Variants in WDR18 observed in about 807,000 individuals in gnomAD.
The protein encoded by WDR18 is WD repeat-containing protein 18.
Under a neutral mutation model 49.6 loss-of-function variants are expected in WDR18, and 33 were observed. The observed-to-expected ratio is 0.67, with a 90% CI of 0.50 to 0.89. WDR18 has a LOEUF of 0.89. Among genes scored for constraint, WDR18 ranks in the 40% least tolerant of loss-of-function variants. WDR18 has a pLI of 0.00. For missense variants in WDR18, 653 were observed against 593.6 expected, an observed-to-expected ratio of 1.10 and a Z score of -1.04; for synonymous variants, 315 against 263.6, an observed-to-expected ratio of 1.19 and a Z score of -1.89.
In WDR18 at chr19:985,914, CTGCA is replaced by C. The variant is rs2038469668; in HGVS notation, c.262_265del (p.Ala88HisfsTer29). On this transcript the variant is annotated frameshift_variant, in exon 2 of 10. Transcript: ENST00000585809. LOFTEE classifies it high-confidence loss of function. ...TGCCCCGGGCCTGTCACCTGTCTGA[CTGCA>C]TCACCCAATGGTCTCTACGTCCTGG... is the stretch of plus-strand genomic sequence containing the variant. 1 of 1,613,864 alleles carries C rather than the reference CTGCA, an allele frequency of 6.2e-7. No individual in the cohort carries two copies. Among genetic ancestry groups the C allele is most frequent in the Non-Finnish European group, 8.5e-7 (1 of 1,180,006 alleles).
chr19:987,920 A>G (rs11670535), intron 2 of WDR18, among the ~76,000 whole-genome samples: 68,040 of 145,850 alleles, frequency 0.47, 16,385 homozygotes, highest in Non-Finnish European at 0.54. Context: ...CTGCAACCTC[A>G]GGCTCCCAGG....
chr19:987,538 C>A (rs2038487338), intron 2 of WDR18, among the ~76,000 whole-genome samples: 1 of 152,146 alleles, frequency 6.6e-6, no homozygotes, highest in East Asian at 1.9e-4. Context: ...GCATGTGCCA[C>A]CATGCCTGGG....
chr19:990,657 C>T (rs118137024), intron 4 of WDR18, 195 bp from the exon 5 acceptor site: 19,288 of 895,474 alleles, frequency 0.022, 274 homozygotes, highest in Non-Finnish European at 0.027. Flanking sequence ...GGTCATCAGC[C>T]GGAGACCAAG....
rs142023318 is a variant in WDR18 at position 991,312 on chromosome 19, G to A, written c.892G>A (p.Val298Met). Residue 298 changes from valine to methionine, a missense_variant, in exon 7 of 10, where the codon GTG becomes ATG. By Grantham distance (21) the Val-to-Met change is conservative. Transcript: ENST00000585809. The stretch of plus-strand genomic sequence containing the variant: ...CGACGAGACCGTGCGCCTCTGGGAC[G>A]TGCAGAGCAAGCAGTGCATCCGGAC... ...SHDETVRLWD[V>M]QSKQCIRTVA... The A allele has an allele frequency of 1.1e-5, 17 of 1,560,266 alleles. No individual in the cohort carries two copies. Among genetic ancestry groups the A allele is most frequent in the African/African-American group, 1.1e-4 (8 of 73,662 alleles).
intron 2 of WDR18, among the ~76,000 whole-genome samples, chr19:989,199 C>T (rs1471673213): frequency 6.8e-5 from 9 of 132,586 alleles, no homozygotes; most frequent in African/African-American, 2.0e-4. Flanking sequence ...CACAACCCCC[C>T]CCAGAGCATC....
intron 4 of WDR18, 63 bp from the exon 5 acceptor site, chr19:990,789 T>C: frequency 1.3e-6 from 2 of 1,530,940 alleles, no homozygotes; most frequent in Non-Finnish European, 1.8e-6. Context: ...GGTGCCCCTG[T>C]TCCCATGGGG....
rs550924397 is a variant in WDR18, at chr19:991,951, C to A, written c.932-4C>A. ...GGGCGGGGCCTGACCTCCGCGCCCC[C>A]CAGGCCCAGTCACCAATGCCGCCAT... On this transcript the variant is annotated splice_region_variant and splice_polypyrimidine_tract_variant and intron_variant, in intron 7 of 9. Coordinates refer to ENST00000585809, the MANE Select transcript of WDR18 (RefSeq NM_024100.4). 1.3e-6 allele frequency: 2 copies of A among 1,580,658 alleles called. No homozygotes were observed. The highest frequency in any genetic ancestry group is 1.7e-6 in the Non-Finnish European group (2 of 1,170,200).
chr19:991,329 C>T lies in WDR18; in HGVS notation c.909C>T (p.Cys303=), dbSNP rs746974692. The change falls in exon 7 of 10, where the codon TGC becomes TGT. Residue 303 remains cysteine, a synonymous_variant. Transcript: ENST00000585809. ...TCTGGGACGTGCAGAGCAAGCAGTGCATCCGGACGGTGGCCCTCAAAGGTG... is the reference window on the plus strand; with the variant it reads ...TCTGGGACGTGCAGAGCAAGCAGTGTATCCGGACGGTGGCCCTCAAAGGTG... The part of the protein sequence containing the change: ...VRLWDVQSKQ[C]IRTVALKGPV... The T allele has an allele frequency of 1.4e-5, 22 of 1,556,614 alleles. No individual in the cohort carries two copies. The highest frequency in any genetic ancestry group is 1.7e-4 in the Middle Eastern group (1 of 5,942).
chr19:991,418 TGGCTTGGGTGGGGGCGG>T (rs2038546787), intron 7 of WDR18, 67 bp downstream of exon 7: 2 of 749,978 alleles, frequency 2.7e-6, no homozygotes, highest in Non-Finnish European at 1.6e-6. Flanking sequence ...GCTCCGGGCT[TGGCTTGGGTGGGGGCGG>T]GGACTGGTTT....
At position 994,409 on chromosome 19, in the gene WDR18, G is replaced by A. The variant is rs1185384759; in HGVS notation, c.*65G>A. ...CCATGCCTCCCAGCAACCAGGGCCC[G>A]CGGGTGTGGCCCCCACCAGCCCAGG... On this transcript the variant is annotated 3_prime_UTR_variant, in exon 10 of 10. Transcript: ENST00000585809. 1.8e-5 allele frequency: 28 copies of A among 1,539,650 alleles called. No individual in the cohort carries two copies. The East Asian group carries it at 4.8e-4, about 27-fold the overall frequency.
upstream of WDR18, chr19:984,289 C>T (rs1365577059): frequency 9.7e-6 from 14 of 1,439,384 alleles, no homozygotes; most frequent in Non-Finnish European, 1.3e-5. Flanking sequence ...CGCTCTGGCC[C>T]GCGTGGGGCA....
intron 8 of WDR18, among the ~76,000 whole-genome samples, 163 bp from the exon 9 acceptor site, chr19:993,857 G>A (rs145496930): frequency 6.6e-6 from 1 of 152,308 alleles, no homozygotes; most frequent in East Asian, 1.9e-4. Flanking sequence ...CTGCAGGCTC[G>A]ACGGAGGTGA....
chr19:987,829 G>GTTTTGTTTTTTTTTTTTTTTTTTTT (rs1340731704), intron 2 of WDR18, among the ~76,000 whole-genome samples: 1 of 91,822 alleles, frequency 1.1e-5, no homozygotes, highest in African/African-American at 5.3e-5. Flanking sequence ...GCCGCCTCCA[G>GTTTTGTTTTTTTTTTTTTTTTTTTT]TTTTTTTTTT....
In WDR18 at chr19:985,843, G is replaced by A. The variant is rs375710233; in HGVS notation, c.211-22G>A. 2.7e-5 allele frequency: 43 copies of A among 1,612,818 alleles called. No homozygotes were observed. In the African/African-American group the frequency reaches 4.1e-4, roughly 16 times the overall value. On this transcript the variant is annotated intron_variant, in intron 1 of 9. Transcript: ENST00000585809. ...CTCCCGTGTCCTGCATGGGGCTCAC[G>A]AGGCTGACTGTGCATCCTTAGGACC...
intron 8 of WDR18, among the ~76,000 whole-genome samples, chr19:992,707 C>T (rs957774647): frequency 5.3e-5 from 8 of 152,182 alleles, no homozygotes; most frequent in African/African-American, 1.9e-4. Flanking sequence ...GCCCCAAGAC[C>T]CTCATAGAAG....
At chr19:991,396 A>G (rs2038546416) in intron 7 of WDR18, 45 bp downstream of exon 7, 1 of 1,439,168 alleles carries the variant, frequency 6.9e-7, no homozygotes, top group Non-Finnish European at 9.2e-7. Context: ...GCAGGGGAAA[A>G]AGCCAGCAGG....
rs1270535176 is a variant in WDR18 at position 991,614 on chromosome 19, C to T, written c.931+263C>T. ...GAACTGGGTTTGCTGTGGGGTGGGG[C>T]CTGGCTGGGGGCGTGGACTGGCTGG... On this transcript the variant is annotated intron_variant, in intron 7 of 9. Coordinates refer to ENST00000585809, the MANE Select transcript of WDR18 (RefSeq NM_024100.4). Among the ~76,000 whole-genome samples the T allele has an allele frequency of 2.7e-3, 216 of 79,756 alleles. 7 individuals are homozygous for T. Among genetic ancestry groups the T allele is most frequent in the African/African-American group, 0.012 (198 of 15,914 alleles). 52.3% of individuals were successfully genotyped at this position (79,756 alleles called of 152,430 possible). A position where few individuals can be genotyped will look rare whatever the true frequency, so the allele number is the denominator to read the frequency against.
chr19:983,245 AAC>A (rs1298376563), upstream of WDR18, among the ~76,000 whole-genome samples: 1 of 151,702 alleles, frequency 6.6e-6, no homozygotes, highest in East Asian at 1.9e-4. Context: ...CAGCCTGAGC[AAC>A]ACAGTGAGAC....
At position 992,104 on chromosome 19, in the gene WDR18, C is replaced by T. The variant is rs772725002; in HGVS notation, c.1081C>T (p.Leu361=). The change falls in exon 8 of 10, where the codon CTG becomes TTG. Residue 361 remains leucine (L), a synonymous_variant. Transcript: ENST00000585809. ...GCGCCACGGGGGCCTCACTCTGCGC[C>T]TGGGCCTCCACCAGCAGGTACGGCC... The part of the protein sequence containing the change: ...EPRHGGLTLR[L]GLHQQGSEPS... The T allele has an allele frequency of 2.0e-6, 3 of 1,502,530 alleles. 1 individual carries two copies. The South Asian group carries it at 3.8e-5, about 19-fold the overall frequency. The allele number at this position is 1,502,530 out of a possible 1,614,324, so 93.1% of individuals were successfully genotyped here.
Sources: gnomAD v4.1 joint callset for allele counts (sites outside exome capture counted in the v4.1 genomes callset) on GRCh38, gnomAD v4.1.1 for gene constraint, MANE v1.5 for transcripts, NCBI Gene and HGNC (gene_info 2026-07-23, HGNC 2026-07-21) for gene names.